Variants in ACAN observed in about 807,000 individuals in gnomAD.
The protein encoded by ACAN is aggrecan.
A neutral mutation model predicts 169.1 loss-of-function variants in ACAN; 47 were observed. The observed-to-expected ratio is 0.28, with a 90% confidence interval of 0.22 to 0.35. ACAN has a LOEUF of 0.35. Among genes scored for constraint, ACAN ranks in the 10% least tolerant of loss-of-function variants. The probability of loss-of-function intolerance (pLI) is 1.00; values close to 1 mark genes in which losing one functional copy is unlikely to be tolerated. For synonymous variants in ACAN, 1,115 were observed against 1,112.2 expected (o/e 1.00, Z -0.05); for missense variants, 2,716 against 2,759.9 (o/e 0.98, Z 0.36).
chr15:88,843,588 C>T lies in ACAN; in HGVS notation c.991C>T (p.His331Tyr), dbSNP rs753701070. ...NLLGVRTVYV[H>Y]ANQTGYPDPS... Reference sequence around the variant, plus strand: ...CCTGGGCGTGAGGACCGTCTACGTGCATGCCAACCAGACGGGCTACCCCGA... The same window carrying T: ...CCTGGGCGTGAGGACCGTCTACGTGTATGCCAACCAGACGGGCTACCCCGA... The change falls in exon 6 of 19, where the codon CAT becomes TAT. Residue 331 changes from histidine (H) to tyrosine (Y), a missense_variant. By Grantham distance (83) the His-to-Tyr change is moderately conservative (BLOSUM62 2). Transcript: ENST00000560601. The surrounding 1 kb of genome is among the most constrained non-coding windows in gnomAD (Gnocchi z 4.0). The T allele has an allele frequency of 3.1e-6, 5 of 1,605,756 alleles. No individual in the cohort carries two copies. The highest frequency in any genetic ancestry group is 2.2e-5 in the East Asian group (1 of 44,610).
At chr15:88,809,799 G>A (rs1281707680) in intron 1 of ACAN, among the ~76,000 whole-genome samples, 1 of 152,152 alleles carries the variant, frequency 6.6e-6, no homozygotes, top group Admixed American at 6.5e-5. Context: ...GAGGGGTGGG[G>A]GTTCTCCAGA....
intron 7 of ACAN, 83 bp downstream of exon 7, chr15:88,845,965 G>A: frequency 1.5e-6 from 2 of 1,364,802 alleles, no homozygotes; most frequent in South Asian, 1.8e-5. Context: ...GTTGAAGGCT[G>A]TACCTTCTAC....
Position 88,847,915 on chromosome 15 carries a change from C to T in ACAN, c.1609C>T (p.Pro537Ser), listed in dbSNP as rs768937241. The part of the protein sequence containing the change: ...GWLRDQTVRY[P>S]IVSPRTPCVG... ...TCCTCCCACTCTCCTTTGCAGATACCCCATTGTGAGCCCCCGGACCCCATG... is the reference window on the plus strand; with the variant it reads ...TCCTCCCACTCTCCTTTGCAGATACTCCATTGTGAGCCCCCGGACCCCATG... The change falls in exon 9 of 19, where the codon CCC (proline) becomes TCC (serine). Residue 537 changes from proline (P) to serine (S), a missense_variant. By Grantham distance (74) the Pro-to-Ser change is moderately conservative. Coordinates refer to ENST00000560601, the MANE Select transcript of ACAN (RefSeq NM_001369268.1). 3 of 1,613,678 alleles carry T rather than the reference C, an allele frequency of 1.9e-6. No individual in the cohort carries two copies. The highest frequency in any genetic ancestry group is 2.5e-6 in the Non-Finnish European group (3 of 1,179,700).
At chr15:88,816,803 C>T (rs1425017917) in intron 1 of ACAN, among the ~76,000 whole-genome samples, 2 of 152,220 alleles carry the variant, frequency 1.3e-5, no homozygotes, top group South Asian at 4.1e-4. Flanking sequence ...TTTCAACGCA[C>T]CATGCCCAAG....
intron 1 of ACAN, among the ~76,000 whole-genome samples, chr15:88,816,510 C>T (rs1401694162): frequency 6.6e-6 from 1 of 152,190 alleles, no homozygotes; most frequent in Non-Finnish European, 1.5e-5. Flanking sequence ...ATACTTCACA[C>T]TGAAGCAGCA....
chr15:88,818,993 A>G (rs542144388), intron 1 of ACAN, among the ~76,000 whole-genome samples: 1 of 152,342 alleles, frequency 6.6e-6, no homozygotes, highest in South Asian at 2.1e-4. Context: ...CCTAGTGAGG[A>G]TAATGTCTTT....
rs370647891 is a variant in ACAN, at chr15:88,857,028, C to G, written c.4443C>G (p.Val1481=). Residue 1481 remains valine, a synonymous_variant, in exon 12 of 19, where the codon GTC becomes GTG. Transcript: ENST00000560601. The part of the protein sequence containing the change: ...PSGGEVLEIS[V]SGVEDISGLP... ...GAGGAGAAGTTCTAGAGATTTCTGT[C>G]TCTGGAGTAGAGGACATCAGTGGGC... is the stretch of plus-strand genomic sequence containing the variant. The G allele has an allele frequency of 2.0e-5, 32 of 1,611,392 alleles. No individual in the cohort carries two copies. The highest frequency in any genetic ancestry group is 4.0e-5 in the African/African-American group (3 of 74,170).
At chr15:88,833,855 G>C (rs1274117020) in intron 1 of ACAN, among the ~76,000 whole-genome samples, 1 of 151,994 alleles carries the variant, frequency 6.6e-6, no homozygotes, top group African/African-American at 2.4e-5. Context: ...CTTGTTCAGA[G>C]AGTGAGGGAA....
At chr15:88,860,605 T>C (rs1168660224) in intron 13 of ACAN, among the ~76,000 whole-genome samples, 166 bp downstream of exon 13, 1 of 152,216 alleles carries the variant, frequency 6.6e-6, no homozygotes, top group East Asian at 1.9e-4. Context: ...AGGACAGACA[T>C]GGCTTATCTT....
chr15:88,868,875 G>A lies in ACAN; in HGVS notation c.7060+546G>A, dbSNP rs1218221550. 6.6e-6 allele frequency among the ~76,000 whole-genome samples: 1 copy of A among 152,220 alleles called. No individual in the cohort carries two copies. The highest frequency in any genetic ancestry group is 1.5e-5 in the Non-Finnish European group (1 of 68,046). On this transcript the variant is annotated intron_variant, in intron 14 of 18. Coordinates refer to ENST00000560601, the MANE Select transcript of ACAN (RefSeq NM_001369268.1). This position sits in a 1 kb window ranked among gnomAD's most constrained non-coding sequence, Gnocchi z 5.2. ...CTCAAGTCATGCATGAGCAAGGACT[G>A]CTGCATGTCACCTTCTTCTCATCAC...
chr15:88,860,189 G>A (rs1034353833), intron 12 of ACAN, 137 bp from the exon 13 acceptor site: 6 of 532,528 alleles, frequency 1.1e-5, no homozygotes, highest in Middle Eastern at 5.2e-4. Flanking sequence ...AGGAGGGACA[G>A]AGGCCTCAGA....
chr15:88,859,349 C>G lies in ACAN; in HGVS notation c.6764C>G (p.Thr2255Ser), dbSNP rs372788256. Residue 2255 changes from threonine to serine, a missense_variant, in exon 12 of 19, where the codon ACC becomes AGC. Transcript: ENST00000560601. The stretch of plus-strand genomic sequence containing the variant: ...GAGACTCACACAGTCGAAACAGCCA[C>G]CTCCCCAACAGATGCTTCCATCCCA... ...GEETHTVETA[T>S]SPTDASIPAS... 4.0e-5 allele frequency: 64 copies of G among 1,599,220 alleles called. No individual in the cohort carries two copies. In the African/African-American group the frequency reaches 7.6e-4, roughly 19 times the overall value.
rs1384782852 is a variant in ACAN, at chr15:88,851,912, AGAG to A, written c.2149_2151del (p.Glu717del). The A allele has an allele frequency of 6.2e-7, 1 of 1,612,608 alleles. No homozygotes were observed. The highest frequency in any genetic ancestry group is 8.5e-7 in the Non-Finnish European group (1 of 1,179,410). ...CTGGTGTGGCTGCTGTCCCCGTAGA[AGAG>A]GAGACAACTGCTGTACCCTCAGGGG... On this transcript the variant is annotated inframe_deletion, in exon 11 of 19. Transcript: ENST00000560601. This position sits in a 1 kb window ranked among gnomAD's most constrained non-coding sequence, Gnocchi z 4.3.
At position 88,849,866 on chromosome 15, in the gene ACAN, C is replaced by A. The variant is rs1396871998; in HGVS notation, c.2026+135C>A. ...GTCAGTCCCTCTGGGGCAGAGCCAG[C>A]TCTGAAACCAGCACAACGCAGGCTT... On this transcript the variant is annotated intron_variant, in intron 10 of 18. Coordinates refer to ENST00000560601, the MANE Select transcript of ACAN (RefSeq NM_001369268.1). The surrounding 1 kb of genome is among the most constrained non-coding windows in gnomAD (Gnocchi z 5.1). 2 of 1,284,656 alleles carry A rather than the reference C, an allele frequency of 1.6e-6. No homozygotes were observed. Among genetic ancestry groups the A allele is most frequent in the Non-Finnish European group, 2.2e-6 (2 of 912,208 alleles). The allele number at this position is 1,284,656 out of a possible 1,614,324, so 79.6% of individuals were successfully genotyped here. A position where few individuals can be genotyped will look rare whatever the true frequency, so the allele number is the denominator to read the frequency against.
At chr15:88,810,311 C>G (rs1895789191) in intron 1 of ACAN, among the ~76,000 whole-genome samples, 1 of 152,124 alleles carries the variant, frequency 6.6e-6, no homozygotes, top group African/African-American at 2.4e-5. Context: ...CACCTTCTGG[C>G]TCTGTCCCTC....
Position 88,868,431 on chromosome 15 carries a change from C to A in ACAN, c.7060+102C>A. ...ACAGGCTCCAGGCCCTGGCTGGGGC[C>A]CCCGAGGTTCATCTGGAGAGCCATT... On this transcript the variant is annotated intron_variant, in intron 14 of 18. Transcript: ENST00000560601. The surrounding 1 kb of genome is among the most constrained non-coding windows in gnomAD (Gnocchi z 5.2). 1 of 590,248 alleles carries A rather than the reference C, an allele frequency of 1.7e-6. No homozygotes were observed. Among genetic ancestry groups the A allele is most frequent in the East Asian group, 2.9e-5 (1 of 34,708 alleles). The allele number at this position is 590,248 out of a possible 1,614,324, so 36.6% of individuals were successfully genotyped here.
At chr15:88,853,835 G>A (rs934169863) in intron 11 of ACAN, among the ~76,000 whole-genome samples, 3 of 133,490 alleles carry the variant, frequency 2.2e-5, no homozygotes, top group Admixed American at 7.5e-5. Flanking sequence ...TTCGGGTCCT[G>A]CCCAGCTAAC....
In ACAN at chr15:88,845,563, C is replaced by T. The variant is rs779132656; in HGVS notation, c.1110C>T (p.Ile370=). The T allele has an allele frequency of 2.5e-6, 4 of 1,613,824 alleles. No individual in the cohort carries two copies. The highest frequency in any genetic ancestry group is 1.3e-5 in the African/African-American group (1 of 74,940). The change falls in exon 7 of 19, where the codon ATC becomes ATT. Residue 370 remains isoleucine, a synonymous_variant. Transcript: ENST00000560601. ...TTGGAGTGGGGGGTGAGGAGGACATCACCGTCCAGACAGTGACCTGGCCTG... is the reference window on the plus strand; with the variant it reads ...TTGGAGTGGGGGGTGAGGAGGACATTACCGTCCAGACAGTGACCTGGCCTG... The part of the protein sequence containing the change: ...NFFGVGGEED[I]TVQTVTWPDM...
intron 1 of ACAN, among the ~76,000 whole-genome samples, chr15:88,810,030 A>T (rs1442330160): frequency 3.3e-5 from 5 of 152,166 alleles, no homozygotes; most frequent in Non-Finnish European, 7.4e-5. Flanking sequence ...GAGTCATGAA[A>T]CACTGGAGCA....
Sources: allele counts gnomAD v4.1 joint callset (sites outside exome capture counted in the v4.1 genomes callset), GRCh38; gene constraint gnomAD v4.1.1; non-coding constraint Gnocchi (gnomAD v3.1); transcripts MANE v1.5; gene names NCBI Gene and HGNC (gene_info 2026-07-23, HGNC 2026-07-21).